The following WDFY3 variants were observed in gnomAD, a reference collection of about 807,000 sequenced individuals.
The protein encoded by WDFY3 is WD repeat and FYVE domain containing 3.
A neutral mutation model predicts 409.6 loss-of-function variants in WDFY3; 66 were observed. The observed-to-expected ratio is 0.16, with a 90% CI of 0.13 to 0.20. WDFY3 has a LOEUF of 0.20. Ranked by LOEUF, WDFY3 falls within the 10% of genes least tolerant of loss-of-function variation. WDFY3 has a pLI of 1.00. For missense variants in WDFY3, 3,031 were observed against 4,298.1 expected (o/e 0.71, Z 8.24); for synonymous variants, 1,521 against 1,537.1 (o/e 0.99, Z 0.25).
At chr4:84,858,442 G>A (rs1165209887) in intron 4 of WDFY3, among the ~76,000 whole-genome samples, 2 of 151,928 alleles carry the variant, frequency 1.3e-5, no homozygotes, top group Admixed American at 6.6e-5. Context: ...ATAAATAATA[G>A]TAAAACAACA....
intron 2 of WDFY3, among the ~76,000 whole-genome samples, chr4:84,903,146 A>C (rs1766567000): frequency 6.6e-6 from 1 of 152,206 alleles, no homozygotes; most frequent in South Asian, 2.1e-4. Flanking sequence ...GAGTATCAGT[A>C]ATTTTTACAG....
Position 84,740,433 on chromosome 4 carries a change from T to C in WDFY3, c.6235-17A>G. On this transcript the variant is annotated splice_polypyrimidine_tract_variant and intron_variant, in intron 38 of 67. Transcript: ENST00000295888. ...TCTCTTTGACTAAAGACATGAAAGG[T>C]ATGTTTTTAGTATAATAGACAAAAG... The C allele has an allele frequency of 6.2e-7, 1 of 1,611,862 alleles. No individual in the cohort carries two copies. Among genetic ancestry groups the C allele is most frequent in the Non-Finnish European group, 8.5e-7 (1 of 1,177,970 alleles).
intron 67 of WDFY3, 56 bp from the exon 68 acceptor site, chr4:84,673,047 C>T (rs1487317988): frequency 1.9e-6 from 3 of 1,603,744 alleles, no homozygotes; most frequent in Admixed American, 1.7e-5. Context: ...TGATCATGGG[C>T]ACCGGAAACA....
At chr4:84,871,042 T>C (rs879633812) in intron 3 of WDFY3, among the ~76,000 whole-genome samples, 17 of 152,118 alleles carry the variant, frequency 1.1e-4, no homozygotes, top group Admixed American at 1.1e-3. Flanking sequence ...AGCAACAGCA[T>C]ATTTAAAGTA....
chr4:84,708,834 C>A, intron 53 of WDFY3, 75 bp downstream of exon 53: 1 of 1,532,764 alleles, frequency 6.5e-7, no homozygotes, highest in Non-Finnish European at 8.9e-7. Context: ...AGCCACTGCA[C>A]CCCACTTCAA....
chr4:84,726,193 G>A (rs1035577712), intron 45 of WDFY3, among the ~76,000 whole-genome samples: 1 of 152,072 alleles, frequency 6.6e-6, no homozygotes, highest in Non-Finnish European at 1.5e-5. Context: ...ATTAATAGAT[G>A]AGGGACAGCA....
intron 32 of WDFY3, among the ~76,000 whole-genome samples, chr4:84,764,506 A>C (rs1578415992): frequency 6.6e-6 from 1 of 152,200 alleles, no homozygotes; most frequent in Non-Finnish European, 1.5e-5. Context: ...TATCACATAC[A>C]AAGTTTCTTC....
rs755293273 is a variant in WDFY3, at chr4:84,888,194, T to C, written c.-32+8717A>G. On this transcript the variant is annotated intron_variant, in intron 3 of 67. Transcript: ENST00000295888. ...ATTAAATATAGAATAATATTCAGAA[T>C]ATTAAGGAAATCATTTCTTGGAAGA... 6.8e-4 allele frequency among the ~76,000 whole-genome samples: 104 copies of C among 152,192 alleles called. 1 individual carries two copies. Among genetic ancestry groups the C allele is most frequent in the Admixed American group, 8.5e-4 (13 of 15,270 alleles).
chr4:84,716,874 C>G, intron 49 of WDFY3, 22 bp downstream of exon 49: 1 of 1,516,804 alleles, frequency 6.6e-7, no homozygotes, highest in Non-Finnish European at 8.8e-7. Context: ...CATGATAAAA[C>G]AGTACTACTA....
intron 2 of WDFY3, among the ~76,000 whole-genome samples, chr4:84,918,889 G>C (rs1024237811): frequency 4.6e-5 from 7 of 150,828 alleles, no homozygotes; most frequent in African/African-American, 1.7e-4. Context: ...ACATTTTCTA[G>C]TTTGTTCCCT....
At chr4:84,745,970 A>G (rs1209022702) in intron 36 of WDFY3, among the ~76,000 whole-genome samples, 1 of 151,962 alleles carries the variant, frequency 6.6e-6, no homozygotes, top group Non-Finnish European at 1.5e-5. Context: ...TTTGCTAAGG[A>G]ATAAAGCTGT....
At chr4:84,857,889 T>G (rs1272186178) in intron 4 of WDFY3, among the ~76,000 whole-genome samples, 1 of 152,192 alleles carries the variant, frequency 6.6e-6, no homozygotes, top group African/African-American at 2.4e-5. Flanking sequence ...ACTCTTGCCC[T>G]TCTGCCTTAC....
intron 35 of WDFY3, among the ~76,000 whole-genome samples, chr4:84,752,804 A>G (rs1197465362): frequency 6.6e-6 from 1 of 152,194 alleles, no homozygotes; most frequent in Non-Finnish European, 1.5e-5. Flanking sequence ...ATTTTGAAGT[A>G]CTATGGAGGA....
intron 15 of WDFY3, among the ~76,000 whole-genome samples, chr4:84,806,733 G>GTAGC (rs1204431855): frequency 6.6e-6 from 1 of 152,002 alleles, no homozygotes; most frequent in Non-Finnish European, 1.5e-5. Context: ...CAGCTCCTGA[G>GTAGC]TAGCTGGGAT....
At chr4:84,690,395 G>C (rs2148847307) in intron 61 of WDFY3, 111 bp downstream of exon 61, 2 of 1,464,036 alleles carry the variant, frequency 1.4e-6, no homozygotes, top group Middle Eastern at 1.9e-4. Flanking sequence ...CTTTGGTTTT[G>C]TCCATTAGAT....
chr4:84,794,515 T>C lies in WDFY3; in HGVS notation c.3487+4A>G, dbSNP rs1022932645. 1.2e-6 allele frequency: 2 copies of C among 1,608,530 alleles called. No homozygotes were observed. The highest frequency in any genetic ancestry group is 2.7e-5 in the African/African-American group (2 of 74,672). ...AAAAGAAGAAAACAAAAAAAAATACTGACCATAATTTTGGAGGAGTTCCTC... is the reference window on the plus strand; with the variant it reads ...AAAAGAAGAAAACAAAAAAAAATACCGACCATAATTTTGGAGGAGTTCCTC... On this transcript the variant is annotated splice_donor_region_variant and intron_variant, in intron 21 of 67. Coordinates refer to ENST00000295888, the MANE Select transcript of WDFY3 (RefSeq NM_014991.6).
intron 36 of WDFY3, among the ~76,000 whole-genome samples, chr4:84,745,399 TG>T (rs1240057278): frequency 6.6e-6 from 1 of 152,228 alleles, no homozygotes; most frequent in African/African-American, 2.4e-5. Context: ...GATCCAGGAC[TG>T]TATTTATGAC....
chr4:84,687,518 T>C (rs1461852734), intron 62 of WDFY3, among the ~76,000 whole-genome samples: 1 of 152,218 alleles, frequency 6.6e-6, no homozygotes, highest in Non-Finnish European at 1.5e-5. Context: ...CTTTGTTTTA[T>C]TTTAATCAAA....
chr4:84,905,776 A>T (rs1766965472), intron 2 of WDFY3, among the ~76,000 whole-genome samples: 1 of 151,996 alleles, frequency 6.6e-6, no homozygotes. Context: ...TTCAAACTTC[A>T]TTCCACTCTC....
Sources: gnomAD v4.1 joint callset for allele counts (sites outside exome capture counted in the v4.1 genomes callset) on GRCh38, gnomAD v4.1.1 for gene constraint, MANE v1.5 for transcripts, NCBI Gene and HGNC (gene_info 2026-07-23, HGNC 2026-07-21) for gene names.